The following SLC38A6 variants were observed in gnomAD, a reference collection of about 807,000 sequenced individuals.
The protein encoded by SLC38A6 is solute carrier family 38 member 6.
SLC38A6 carries 73 observed loss-of-function variants against 65.0 expected under a neutral mutation model. The ratio of observed to expected loss-of-function variants is 1.12; its 90% CI spans 0.93 to 1.37. SLC38A6 has a LOEUF of 1.37. Ranked by LOEUF, SLC38A6 falls within the 40% of genes most tolerant of loss-of-function variation. The probability of loss-of-function intolerance (pLI) is 0.00; values close to 1 mark genes in which losing one functional copy is unlikely to be tolerated. For synonymous variants in SLC38A6, 183 were observed against 178.8 expected, an observed-to-expected ratio of 1.02 and a Z score of -0.19; for missense variants, 561 against 531.1, an observed-to-expected ratio of 1.06 and a Z score of -0.55.
At position 61,046,140 on chromosome 14, in the gene SLC38A6, GCA is replaced by G. The variant is rs774394929; in HGVS notation, c.900_901del (p.Phe302TrpfsTer7). The stretch of plus-strand genomic sequence containing the variant: ...AAGTTTTCTCATTTATTTTATATCT[GCA>G]CTCTTTGGGTACCTCACTTTTTATG... ...ALSFLIYFIS[A>X]LFGYLTFYDK... is the part of the protein sequence containing the mutation. On this transcript the variant is annotated frameshift_variant, in exon 12 of 16. Coordinates refer to ENST00000267488, the MANE Select transcript of SLC38A6 (RefSeq NM_153811.3). LOFTEE classifies it high-confidence loss of function. The G allele has an allele frequency of 1.2e-6, 2 of 1,605,308 alleles. No homozygotes were observed. Among genetic ancestry groups the G allele is most frequent in the South Asian group, 2.2e-5 (2 of 90,406 alleles).
At chr14:61,026,854 A>G (rs1471624361) in intron 5 of SLC38A6, among the ~76,000 whole-genome samples, 1 of 152,110 alleles carries the variant, frequency 6.6e-6, no homozygotes, top group Admixed American at 6.6e-5. Context: ...TAACTTGTGT[A>G]GAATACTACC....
intron 5 of SLC38A6, among the ~76,000 whole-genome samples, chr14:61,024,815 G>T (rs2040523244): frequency 6.6e-6 from 1 of 152,166 alleles, no homozygotes; most frequent in Non-Finnish European, 1.5e-5. Context: ...TAACAGTGAA[G>T]TCAATTGATG....
At chr14:61,022,288 A>C (rs1193344529) in intron 5 of SLC38A6, among the ~76,000 whole-genome samples, 1 of 152,054 alleles carries the variant, frequency 6.6e-6, no homozygotes, top group Admixed American at 6.6e-5. Flanking sequence ...AGGGAACTTC[A>C]GTTCTTAGGA....
intron 3 of SLC38A6, among the ~76,000 whole-genome samples, chr14:60,996,631 C>T (rs1451849968): frequency 6.6e-6 from 1 of 152,006 alleles, no homozygotes; most frequent in African/African-American, 2.4e-5. Context: ...AAAAGTTTTC[C>T]TCCCGGTATC....
intron 16 of SLC38A6, among the ~76,000 whole-genome samples, chr14:61,081,543 G>A (rs1332692371): frequency 6.6e-6 from 1 of 152,080 alleles, no homozygotes; most frequent in African/African-American, 2.4e-5. Flanking sequence ...AAATTAGCTA[G>A]GCGTAGTAGT....
At position 60,984,509 on chromosome 14, in the gene SLC38A6, T is replaced by A. The variant is rs146259420; in HGVS notation, c.237-221T>A. On this transcript the variant is annotated intron_variant, in intron 2 of 15. Transcript: ENST00000267488. ...TATTTTTAAAAAAGTTTGGTTTTTA[T>A]TTTTTTTTATTTTAAAATCAGTATA... is the stretch of plus-strand genomic sequence containing the variant. Among the ~76,000 whole-genome samples the A allele has an allele frequency of 4.6e-3, 690 of 149,942 alleles. 2 individuals are homozygous for A. The highest frequency in any genetic ancestry group is 0.015 in the South Asian group (71 of 4,780).
At position 61,045,336 on chromosome 14, in the gene SLC38A6, T is replaced by C. The variant is rs1162024567; in HGVS notation, c.745-10T>C. 5 of 1,603,762 alleles carry C rather than the reference T, an allele frequency of 3.1e-6. No homozygotes were observed. On this transcript the variant is annotated splice_polypyrimidine_tract_variant and intron_variant, in intron 10 of 15. Coordinates refer to ENST00000267488, the MANE Select transcript of SLC38A6 (RefSeq NM_153811.3). ...ATTTAATAATTTTGTCTCTTTAAAA[T>C]TTTTTTCAGAGTGCTTATGCCTTAC...
intron 15 of SLC38A6, among the ~76,000 whole-genome samples, chr14:61,074,202 A>G (rs745985793): frequency 1.3e-5 from 2 of 152,226 alleles, no homozygotes; most frequent in Non-Finnish European, 1.5e-5. Context: ...AACTGTAAAT[A>G]CATTTATATT....
Position 61,051,932 on chromosome 14 carries a change from G to C in SLC38A6, c.1195+1G>C. ...ATTAGAAATGTATTTGGTGTAGTTG[G>C]TAAGTTTTCTGTTTCAAAAAGTTCA... On this transcript the variant is annotated splice_donor_variant, in intron 14 of 15. Transcript: ENST00000267488. LOFTEE classifies it high-confidence loss of function. 1 of 1,605,820 alleles carries C rather than the reference G, an allele frequency of 6.2e-7. No individual in the cohort carries two copies. Among genetic ancestry groups the C allele is most frequent in the Non-Finnish European group, 8.5e-7 (1 of 1,177,812 alleles).
At chr14:60,995,859 G>T (rs941447665) in intron 3 of SLC38A6, among the ~76,000 whole-genome samples, 1 of 152,142 alleles carries the variant, frequency 6.6e-6, no homozygotes, top group African/African-American at 2.4e-5. Flanking sequence ...AAGATCAGTG[G>T]TTGCCAGAGT....
intron 1 of SLC38A6, among the ~76,000 whole-genome samples, chr14:60,982,017 T>A (rs1237394910): frequency 6.6e-6 from 1 of 152,240 alleles, no homozygotes; most frequent in African/African-American, 2.4e-5. Context: ...TTTATAATAT[T>A]GTCATTGCAA....
chr14:61,037,532 A>G lies in SLC38A6; in HGVS notation c.566-93A>G, dbSNP rs1236022122. On this transcript the variant is annotated intron_variant, in intron 7 of 15. Coordinates refer to ENST00000267488, the MANE Select transcript of SLC38A6 (RefSeq NM_153811.3). ...CCCTAAGCCCCAGATACCAACCACTATAATAGAAAACATGCCTAAGATGTA... is the reference window on the plus strand; with the variant it reads ...CCCTAAGCCCCAGATACCAACCACTGTAATAGAAAACATGCCTAAGATGTA... The G allele has an allele frequency of 4.7e-5, 40 of 842,332 alleles. No individual in the cohort carries two copies. In the East Asian group the frequency reaches 8.0e-4, roughly 17 times the overall value. 52.2% of individuals were successfully genotyped at this position (842,332 alleles called of 1,614,324 possible). A position where few individuals can be genotyped will look rare whatever the true frequency, so the allele number is the denominator to read the frequency against.
chr14:60,986,237 A>G (rs2037440891), intron 3 of SLC38A6, among the ~76,000 whole-genome samples: 1 of 152,372 alleles, frequency 6.6e-6, no homozygotes, highest in South Asian at 2.1e-4. Flanking sequence ...GTCCATCATC[A>G]GAAATACTCA....
intron 1 of SLC38A6, chr14:60,981,837 T>A: frequency 2.3e-6 from 2 of 884,140 alleles, no homozygotes; most frequent in Non-Finnish European, 3.1e-6. Context: ...AGAATGGAAG[T>A]GGCTTGGTAG....
chr14:61,016,394 A>G (rs528261754), intron 4 of SLC38A6, among the ~76,000 whole-genome samples: 4 of 152,338 alleles, frequency 2.6e-5, no homozygotes, highest in East Asian at 1.9e-4. Context: ...GAACATTGCT[A>G]CAAGATTATC....
intron 3 of SLC38A6, among the ~76,000 whole-genome samples, chr14:60,991,110 T>C (rs1345886531): frequency 6.6e-6 from 1 of 152,224 alleles, no homozygotes; most frequent in Non-Finnish European, 1.5e-5. Context: ...TGCAGTCTAT[T>C]CTTAACAAAA....
intron 15 of SLC38A6, 62 bp from the exon 16 acceptor site, chr14:61,052,287 G>T: frequency 7.2e-7 from 1 of 1,395,872 alleles, no homozygotes; most frequent in East Asian, 2.6e-5. Flanking sequence ...TAATCCAATT[G>T]TATTTTTTTA....
intron 11 of SLC38A6, among the ~76,000 whole-genome samples, chr14:61,045,730 A>G (rs1047691823): frequency 4.0e-5 from 6 of 151,568 alleles, no homozygotes; most frequent in Non-Finnish European, 7.4e-5. Flanking sequence ...CTAAAAATAC[A>G]AAAAAAATAG....
In SLC38A6 at chr14:60,984,799, G is replaced by A; in HGVS notation, c.306G>A (p.Gln102=). 1.2e-6 allele frequency: 2 copies of A among 1,613,504 alleles called. No homozygotes were observed. Among genetic ancestry groups the A allele is most frequent in the South Asian group, 1.1e-5 (1 of 91,048 alleles). ...SVHLLLSMCI[Q]TAVTSYEDLG... is the part of the protein sequence containing the mutation. The stretch of plus-strand genomic sequence containing the variant: ...ATCTTCTGCTTAGTATGTGTATTCA[G>A]ACAGGTGAGTAAAAATGTTATGCTG... Residue 102 remains glutamine, a synonymous_variant, in exon 3 of 16, where the codon CAG becomes CAA. Transcript: ENST00000267488.
Sources: gnomAD v4.1 joint callset for allele counts (sites outside exome capture counted in the v4.1 genomes callset) on GRCh38, gnomAD v4.1.1 for gene constraint, MANE v1.5 for transcripts, NCBI Gene and HGNC (gene_info 2026-07-23, HGNC 2026-07-21) for gene names.